Variants in LIPJ observed in about 807,000 individuals in gnomAD.
LIPJ encodes the protein lipase family member J, also known as lipase member J.
Under a neutral mutation model 39.8 loss-of-function variants are expected in LIPJ, and 33 were observed. That is an observed-to-expected ratio of 0.83 (90% CI 0.63 to 1.11). The LOEUF (loss-of-function observed/expected upper bound fraction) is 1.11. Ranked by LOEUF, LIPJ falls within the 50% of genes least tolerant of loss-of-function variation. The pLI is 0.00. For missense variants in LIPJ, 422 were observed against 427.9 expected, an observed-to-expected ratio of 0.99 and a Z score of 0.12; for synonymous variants, 128 against 139.2, an observed-to-expected ratio of 0.92 and a Z score of 0.57.
At chr10:88,615,358 T>A in the LIPJ span, among the ~76,000 whole-genome samples, 1 of 152,064 alleles carries the variant, frequency 6.6e-6, no homozygotes, top group African/African-American at 2.4e-5. Context: ...TCAGGGATCA[T>A]AGAAATACCC....
intron 8 of LIPJ, among the ~76,000 whole-genome samples, chr10:88,600,402 C>T (rs1851434360): frequency 6.7e-6 from 1 of 150,030 alleles, no homozygotes; most frequent in African/African-American, 2.4e-5. Context: ...CTTTTAAATC[C>T]ATCTAATAAA....
chr10:88,597,084 A>G, intron 8 of LIPJ, 148 bp downstream of exon 8: 1 of 505,086 alleles, frequency 2.0e-6, no homozygotes, highest in Non-Finnish European at 3.5e-6. Flanking sequence ...TTTTATGACT[A>G]CACCAACATT....
upstream of LIPJ, chr10:88,583,138 G>T (rs376585268): frequency 6.2e-7 from 1 of 1,614,080 alleles, no homozygotes; most frequent in East Asian, 2.2e-5. Flanking sequence ...CCTCAGCAGC[G>T]CAGCGCACAA....
chr10:88,611,110 G>C (rs1240151866), downstream of LIPJ, among the ~76,000 whole-genome samples: 1 of 152,120 alleles, frequency 6.6e-6, no homozygotes, highest in Non-Finnish European at 1.5e-5. Context: ...ACACTCCCCA[G>C]TACCAGCCTA....
chr10:88,594,695 C>T (rs1851194666), exon 6 of LIPJ: 4 of 1,550,406 alleles, frequency 2.6e-6, no homozygotes, highest in South Asian at 2.6e-5. Flanking sequence ...ATATGACCTT[C>T]CAGCCTCTAT....
chr10:88,622,910 G>C, the LIPJ span, among the ~76,000 whole-genome samples: 2 of 152,164 alleles, frequency 1.3e-5, no homozygotes, highest in Non-Finnish European at 2.9e-5. Context: ...TACTAATCCA[G>C]ATGAGAGCTG....
upstream of LIPJ, among the ~76,000 whole-genome samples, chr10:88,582,910 T>G (rs1850712077): frequency 1.3e-5 from 2 of 152,216 alleles, no homozygotes; most frequent in South Asian, 4.1e-4. Flanking sequence ...CCCGATCACG[T>G]GACGAGGCGC....
the LIPJ span, among the ~76,000 whole-genome samples, chr10:88,620,146 A>G: frequency 6.6e-6 from 1 of 152,122 alleles, no homozygotes; most frequent in African/African-American, 2.4e-5. Context: ...AAATAACTGA[A>G]GTGTTATTTA....
chr10:88,598,407 A>T (rs1233341878), intron 8 of LIPJ, among the ~76,000 whole-genome samples: 1 of 152,020 alleles, frequency 6.6e-6, no homozygotes. Context: ...AATGCTCACA[A>T]TGTGACTTGG....
chr10:88,606,866 GT>G lies in LIPJ; in HGVS notation c.1063del (p.Tyr355ThrfsTer27). ...GTTTGGATTAGATGTCTATGATCAA[GT>G]TTACCATGAAATCATTGATATTATC... On this transcript the variant is annotated frameshift_variant, in exon 11 of 11. Transcript: ENST00000371939. LOFTEE classifies it low-confidence loss of function (END_TRUNC). 2 of 1,591,648 alleles carry G rather than the reference GT, an allele frequency of 1.3e-6. No individual in the cohort carries two copies. Among genetic ancestry groups the G allele is most frequent in the Non-Finnish European group, 1.7e-6 (2 of 1,166,974 alleles).
At chr10:88,615,671 A>G in the LIPJ span, among the ~76,000 whole-genome samples, 1 of 151,680 alleles carries the variant, frequency 6.6e-6, no homozygotes, top group South Asian at 2.1e-4. Flanking sequence ...ATACCCTAAC[A>G]TACATACTAG....
intron 8 of LIPJ, among the ~76,000 whole-genome samples, chr10:88,598,989 A>T (rs1457358159): frequency 7.7e-5 from 11 of 143,536 alleles, no homozygotes; most frequent in African/African-American, 2.5e-4. Flanking sequence ...CAATAATATA[A>T]AATATTATAT....
At chr10:88,615,737 A>G in the LIPJ span, among the ~76,000 whole-genome samples, 5 of 152,184 alleles carry the variant, frequency 3.3e-5, no homozygotes, top group Non-Finnish European at 7.4e-5. Flanking sequence ...ACAGAAAAAC[A>G]AAACTCTTAA....
chr10:88,617,653 T>C, the LIPJ span, among the ~76,000 whole-genome samples: 1 of 152,194 alleles, frequency 6.6e-6, no homozygotes, highest in Non-Finnish European at 1.5e-5. Flanking sequence ...TTAAGGATGC[T>C]AAGTGCACAG....
At chr10:88,607,082 CA>C (rs1363053252), downstream of LIPJ, 1 of 526,496 alleles carries the variant, frequency 1.9e-6, no homozygotes, top group East Asian at 3.5e-5. Flanking sequence ...TTCATCATCT[CA>C]GGGGAAATGG....
chr10:88,616,120 A>G, the LIPJ span, among the ~76,000 whole-genome samples: 1 of 152,100 alleles, frequency 6.6e-6, no homozygotes, highest in South Asian at 2.1e-4. Context: ...ACAATGGAAT[A>G]CTCTTGTAGA....
rs186506874 is a variant in LIPJ, at chr10:88,594,620, T to A, written c.330-47T>A. The A allele has an allele frequency of 6.7e-6, 6 of 889,506 alleles. No individual in the cohort carries two copies. The African/African-American group carries it at 1.0e-4, about 15-fold the overall frequency. The allele number at this position is 889,506 out of a possible 1,614,324, so 55.1% of individuals were successfully genotyped here. On this transcript the variant is annotated intron_variant, in intron 5 of 10. Transcript: ENST00000371939. Reference sequence around the variant, plus strand: ...TCTTCATTATTTTCAAATACTAACATAACATTAGTAGAAAGTGCTATTTTT... The same window carrying A: ...TCTTCATTATTTTCAAATACTAACAAAACATTAGTAGAAAGTGCTATTTTT...
the LIPJ span, among the ~76,000 whole-genome samples, chr10:88,622,477 T>C: frequency 1.3e-5 from 2 of 152,180 alleles, no homozygotes; most frequent in African/African-American, 4.8e-5. Context: ...GAGAGCTTGA[T>C]AAACAGAGAT....
the LIPJ span, among the ~76,000 whole-genome samples, chr10:88,614,653 T>C: frequency 1.4e-4 from 22 of 152,148 alleles, no homozygotes; most frequent in Non-Finnish European, 2.4e-4. Flanking sequence ...ATTAATACAA[T>C]CCCAATTAAA....
Sources: allele counts gnomAD v4.1 joint callset (sites outside exome capture counted in the v4.1 genomes callset), GRCh38; gene constraint gnomAD v4.1.1; transcripts MANE v1.5; gene names NCBI Gene and HGNC (gene_info 2026-07-23, HGNC 2026-07-21).